GPM6B: variants seen among roughly 807,000 people sequenced by gnomAD.
GPM6B encodes glycoprotein M6B, also known as neuronal membrane glycoprotein M6-b.
GPM6B carries 4 observed loss-of-function variants against 27.2 expected under a neutral mutation model. The ratio of observed to expected loss-of-function variants is 0.15; its 90% CI spans 0.07 to 0.34. The LOEUF is 0.34. Ranked by LOEUF, GPM6B falls within the 10% of genes least tolerant of loss-of-function variation. GPM6B has a pLI of 1.00. For missense variants in GPM6B, 183 were observed against 261.9 expected (o/e 0.70, Z 2.08); for synonymous variants, 124 against 103.1 (o/e 1.20, Z -1.23).
chrX:13,782,963 G>A (rs1416620801), intron 4 of GPM6B, among the ~76,000 whole-genome samples: 1 of 111,194 alleles, frequency 9.0e-6, no homozygotes, highest in Non-Finnish European at 1.9e-5. Flanking sequence ...GCAGGTACTG[G>A]TAAGTATTTA....
At chrX:13,934,177 T>C (rs1489181601) in intron 1 of GPM6B, among the ~76,000 whole-genome samples, 1 of 111,165 alleles carries the variant, frequency 9.0e-6, no homozygotes, top group African/African-American at 3.3e-5. Flanking sequence ...GGTATTCGAC[T>C]ATGAGGTTTA....
At chrX:13,927,429 G>A (rs748806907) in intron 1 of GPM6B, among the ~76,000 whole-genome samples, 1 of 112,573 alleles carries the variant, frequency 8.9e-6, no homozygotes, top group East Asian at 2.8e-4. Flanking sequence ...CTCACTGAAG[G>A]AACATAGGCA....
chrX:13,897,146 C>T (rs2050241201), intron 1 of GPM6B, among the ~76,000 whole-genome samples: 1 of 112,100 alleles, frequency 8.9e-6, no homozygotes, highest in South Asian at 3.7e-4. Context: ...TGTAAAGTCC[C>T]ACTGGCCTTG....
At chrX:13,842,252 C>T (rs1265761004) in intron 1 of GPM6B, among the ~76,000 whole-genome samples, 1 of 111,834 alleles carries the variant, frequency 8.9e-6, no homozygotes, top group Non-Finnish European at 1.9e-5. Context: ...ATGGCTATGA[C>T]CTTTGGCTTT....
intron 1 of GPM6B, among the ~76,000 whole-genome samples, chrX:13,890,516 ATTAG>A (rs936272422): frequency 9.0e-6 from 1 of 111,418 alleles, no homozygotes; most frequent in African/African-American, 3.3e-5. Flanking sequence ...TTGTAACACT[ATTAG>A]TTAGTTACTC....
At chrX:13,920,301 G>GA (rs1364972807) in intron 1 of GPM6B, among the ~76,000 whole-genome samples, 2 of 73,564 alleles carry the variant, frequency 2.7e-5, no homozygotes, top group Non-Finnish European at 5.6e-5. Context: ...AAGAAAGAAA[G>GA]AAAAAAAAAG....
At chrX:13,920,434 A>G (rs1920958611) in intron 1 of GPM6B, among the ~76,000 whole-genome samples, 1 of 110,742 alleles carries the variant, frequency 9.0e-6, no homozygotes, top group Admixed American at 9.6e-5. Flanking sequence ...AAAATGCTAT[A>G]TTTGTATACC....
At chrX:13,806,827 C>T (rs1268169022) in intron 2 of GPM6B, among the ~76,000 whole-genome samples, 3 of 111,770 alleles carry the variant, frequency 2.7e-5, no homozygotes, top group South Asian at 3.8e-4. Context: ...TGTGTTTATC[C>T]GACCTACCAC....
At chrX:13,873,351 C>T (rs775534541) in intron 1 of GPM6B, among the ~76,000 whole-genome samples, 1 of 110,335 alleles carries the variant, frequency 9.1e-6, no homozygotes, top group South Asian at 3.9e-4. Context: ...TCCCAGTGTC[C>T]GGGCTCAAAC....
chrX:13,855,608 A>G (rs2049771429), intron 1 of GPM6B, among the ~76,000 whole-genome samples: 1 of 112,275 alleles, frequency 8.9e-6, no homozygotes, highest in South Asian at 3.7e-4. Context: ...AATGCTAGCA[A>G]AAAATTTCAA....
chrX:13,801,226 G>A (rs764391180), intron 2 of GPM6B, among the ~76,000 whole-genome samples: 4 of 111,438 alleles, frequency 3.6e-5, no homozygotes, highest in Non-Finnish European at 7.5e-5. Flanking sequence ...ACCTGAAAGA[G>A]GCCAGAGGGG....
At chrX:13,856,381 C>CCAGCAG (rs1371205167) in intron 1 of GPM6B, among the ~76,000 whole-genome samples, 1 of 111,569 alleles carries the variant, frequency 9.0e-6, no homozygotes, top group Non-Finnish European at 1.9e-5. Context: ...TGGGCTACAA[C>CCAGCAG]CAGCAGCAGC....
chrX:13,849,354 G>C (rs1350288192), intron 1 of GPM6B, among the ~76,000 whole-genome samples: 1 of 112,219 alleles, frequency 8.9e-6, no homozygotes, highest in Non-Finnish European at 1.9e-5. Context: ...GAACTCTTAC[G>C]GCACCAACAC....
intron 1 of GPM6B, among the ~76,000 whole-genome samples, chrX:13,931,360 C>CAT (rs1921532493): frequency 9.2e-6 from 1 of 108,623 alleles, no homozygotes; most frequent in African/African-American, 3.4e-5. Context: ...TGGTGGTGGG[C>CAT]GCCTGTAGTC....
At chrX:13,839,132 A>G (rs1384493962) in intron 1 of GPM6B, among the ~76,000 whole-genome samples, 2 of 111,612 alleles carry the variant, frequency 1.8e-5, no homozygotes, top group African/African-American at 6.6e-5. Context: ...CTTCATCTAT[A>G]TAAGAAGAAC....
chrX:13,841,254 C>A (rs1237197962), intron 1 of GPM6B, among the ~76,000 whole-genome samples: 1 of 111,818 alleles, frequency 8.9e-6, no homozygotes, highest in Non-Finnish European at 1.9e-5. Context: ...CCAGCAGATG[C>A]CTCCGTCATC....
At chrX:13,851,896 T>C (rs2099253439) in intron 1 of GPM6B, among the ~76,000 whole-genome samples, 1 of 108,452 alleles carries the variant, frequency 9.2e-6, no homozygotes, top group Non-Finnish European at 1.9e-5. Context: ...TAGAGTAAAA[T>C]CCCCCTCCCC....
intron 1 of GPM6B, among the ~76,000 whole-genome samples, chrX:13,834,122 G>A (rs2049471164): frequency 8.9e-6 from 1 of 112,375 alleles, no homozygotes; most frequent in African/African-American, 3.2e-5. Flanking sequence ...AAAACAGGAG[G>A]GAAATTTTAA....
chrX:13,858,815 G>A (rs755206481), intron 1 of GPM6B, among the ~76,000 whole-genome samples: 9 of 111,658 alleles, frequency 8.1e-5, no homozygotes, highest in African/African-American at 2.9e-4. Flanking sequence ...ATTCTCATGG[G>A]ATTTCTTGAT....
Sources: allele counts gnomAD v4.1 joint callset (sites outside exome capture counted in the v4.1 genomes callset), GRCh38; gene constraint gnomAD v4.1.1; transcripts MANE v1.5; gene names NCBI Gene and HGNC (gene_info 2026-07-23, HGNC 2026-07-21).